The following PPP2R1B variants were observed in gnomAD, a reference collection of about 807,000 sequenced individuals.
The protein encoded by PPP2R1B is serine/threonine-protein phosphatase 2A 65 kDa regulatory subunit A beta isoform.
PPP2R1B carries 58 observed loss-of-function variants against 72.7 expected under a neutral mutation model. The observed-to-expected ratio is 0.80, with a 90% confidence interval of 0.65 to 0.99. The LOEUF (loss-of-function observed/expected upper bound fraction) is 0.99, where lower values mean the gene tolerates loss of function less well. Among genes scored for constraint, PPP2R1B ranks in the 50% least tolerant of loss-of-function variants. The pLI is 0.00. For synonymous variants in PPP2R1B, 256 were observed against 264.6 expected (o/e 0.97, Z 0.32); for missense variants, 695 against 733.6 (o/e 0.95, Z 0.61).
chr11:111,722,814 C>CATTCAG, downstream of PPP2R1B: 5 of 1,504,860 alleles, frequency 3.3e-6, no homozygotes, highest in Non-Finnish European at 4.6e-6. This position sits in a 1 kb window ranked among gnomAD's most constrained non-coding sequence, Gnocchi z 4.4. Context: ...CTTGAGAACA[C>CATTCAG]TGAATGTGTT....
chr11:111,700,983 G>A, the PPP2R1B span: 2 of 1,614,050 alleles, frequency 1.2e-6, no homozygotes, highest in Non-Finnish European at 1.7e-6. Flanking sequence ...AAGGGCAGCA[G>A]TATGAAGGAC....
chr11:111,754,587 A>G lies in PPP2R1B; in HGVS notation c.959-18T>C, dbSNP rs782571206. On this transcript the variant is annotated intron_variant, in intron 7 of 14. Transcript: ENST00000527614. ...ACCAAGTTCTAAAAGATAAATAGAA[A>G]AAAAGAATGCTTTCACAGGGCCATT... 7 of 1,592,068 alleles carry G rather than the reference A, an allele frequency of 4.4e-6. No individual in the cohort carries two copies. Among genetic ancestry groups the G allele is most frequent in the Non-Finnish European group, 6.0e-6 (7 of 1,175,002 alleles).
chr11:111,728,941 CAA>C (rs1052208713), intron 15 of PPP2R1B: 25 of 151,226 alleles, frequency 1.7e-4, no homozygotes, highest in African/African-American at 5.1e-4. Context: ...AAAAAAAAGA[CAA>C]GAGCAGTATC....
At chr11:111,711,042 G>A in the PPP2R1B span, among the ~76,000 whole-genome samples, 1,120 of 152,178 alleles carry the variant, frequency 7.4e-3, 8 homozygotes, top group Middle Eastern at 0.054. Context: ...AAGGGATGGT[G>A]ATGAAAGGAT....
intron 15 of PPP2R1B, chr11:111,727,137 C>G: frequency 7.8e-7 from 1 of 1,279,834 alleles, no homozygotes; most frequent in Middle Eastern, 2.5e-4. Flanking sequence ...CCGTCCCCAG[C>G]TGCCCCCTCG....
the PPP2R1B span, among the ~76,000 whole-genome samples, chr11:111,706,751 G>A: frequency 6.6e-6 from 1 of 152,074 alleles, no homozygotes; most frequent in Non-Finnish European, 1.5e-5. Flanking sequence ...CACAAGGTCA[G>A]TAGATCAAGA....
In PPP2R1B at chr11:111,739,804, G is replaced by C; in HGVS notation, c.*1792C>G. ...AAATTAAAATGTTTACAGAATAATA[G>C]CATAAGATATTAAAATGAGAATATA... is the stretch of plus-strand genomic sequence containing the variant. On this transcript the variant is annotated 3_prime_UTR_variant, in exon 15 of 15. Coordinates refer to ENST00000527614, the MANE Select transcript of PPP2R1B (RefSeq NM_002716.5). 2 of 966,968 alleles carry C rather than the reference G, an allele frequency of 2.1e-6. No homozygotes were observed. The highest frequency in any genetic ancestry group is 2.5e-6 in the Non-Finnish European group (2 of 813,218). 59.9% of individuals were successfully genotyped at this position (966,968 alleles called of 1,614,324 possible).
At chr11:111,723,396 TAAG>T, downstream of PPP2R1B, 2 of 1,306,556 alleles carry the variant, frequency 1.5e-6, no homozygotes, top group Non-Finnish European at 2.1e-6. Context: ...GAGAGAGACT[TAAG>T]TAGAAGACTG....
chr11:111,707,970 C>T, the PPP2R1B span, among the ~76,000 whole-genome samples: 85 of 152,250 alleles, frequency 5.6e-4, no homozygotes, highest in Middle Eastern at 3.4e-3. Flanking sequence ...TAACCTGTAC[C>T]GGGAGTTTAG....
Position 111,764,801 on chromosome 11 carries a change from T to C in PPP2R1B, c.306+4A>G, listed in dbSNP as rs781942807. ...AGGAGGGTAGGCAGCTTATAAATAC[T>C]CACCAGCAGACAGTGGGCAAAGTCA... is the stretch of plus-strand genomic sequence containing the variant. On this transcript the variant is annotated splice_donor_region_variant and intron_variant, in intron 3 of 14. Coordinates refer to ENST00000527614, the MANE Select transcript of PPP2R1B (RefSeq NM_002716.5). 3 of 1,613,720 alleles carry C rather than the reference T, an allele frequency of 1.9e-6. No homozygotes were observed. The highest frequency in any genetic ancestry group is 1.6e-4 in the Middle Eastern group (1 of 6,082).
At chr11:111,693,069 C>G in the PPP2R1B span, among the ~76,000 whole-genome samples, 1 of 152,160 alleles carries the variant, frequency 6.6e-6, no homozygotes, top group Non-Finnish European at 1.5e-5. Flanking sequence ...CGCAGTGGCT[C>G]ACGCCTGTAA....
At chr11:111,742,237 A>C in intron 13 of PPP2R1B, 93 bp from the exon 14 acceptor site, 1 of 1,016,116 alleles carries the variant, frequency 9.8e-7, no homozygotes, top group East Asian at 2.5e-5. Context: ...GTTAAAATTT[A>C]AAGTAAAAAA....
chr11:111,703,731 A>G, the PPP2R1B span, among the ~76,000 whole-genome samples: 1 of 152,218 alleles, frequency 6.6e-6, no homozygotes, highest in African/African-American at 2.4e-5. Flanking sequence ...GAAGTTTTAC[A>G]TAGGTATTTA....
chr11:111,741,738 C>G, intron 14 of PPP2R1B, 126 bp from the exon 15 acceptor site: 1 of 1,087,652 alleles, frequency 9.2e-7, no homozygotes. Context: ...TGGTTACTGT[C>G]TTTACTCAGC....
At chr11:111,701,418 G>C in the PPP2R1B span, 1 of 1,598,936 alleles carries the variant, frequency 6.3e-7, no homozygotes, top group Non-Finnish European at 8.5e-7. This position sits in a 1 kb window ranked among gnomAD's most constrained non-coding sequence, Gnocchi z 4.2. Context: ...TGACGTTCTT[G>C]GTAGAAAAGT....
downstream of PPP2R1B, chr11:111,726,896 T>C: frequency 3.4e-6 from 5 of 1,480,894 alleles, no homozygotes; most frequent in South Asian, 5.8e-5. Flanking sequence ...GAGGTAAAAA[T>C]TTCGTTCGGC....
intron 3 of PPP2R1B, 123 bp from the exon 4 acceptor site, chr11:111,761,174 T>A: frequency 1.2e-6 from 1 of 849,076 alleles, no homozygotes; most frequent in Non-Finnish European, 1.9e-6. Context: ...AGCTGCATCA[T>A]ACCAAATGGT....
chr11:111,765,503 C>A, intron 1 of PPP2R1B, 119 bp from the exon 2 acceptor site: 1 of 816,460 alleles, frequency 1.2e-6, no homozygotes, highest in Non-Finnish European at 1.9e-6. Context: ...GATAACCTTT[C>A]ATTTAGATTT....
At chr11:111,712,110 C>A in the PPP2R1B span, 2 of 1,211,888 alleles carry the variant, frequency 1.7e-6, no homozygotes, top group Non-Finnish European at 2.3e-6. Context: ...AATATTCATT[C>A]TTTAATTGCC....
Sources: allele counts gnomAD v4.1 joint callset (sites outside exome capture counted in the v4.1 genomes callset), GRCh38; gene constraint gnomAD v4.1.1; non-coding constraint Gnocchi (gnomAD v3.1); transcripts MANE v1.5; gene names NCBI Gene and HGNC (gene_info 2026-07-23, HGNC 2026-07-21).